CNNM2: variants seen among roughly 807,000 people sequenced by gnomAD.
CNNM2 encodes the protein metal transporter CNNM2.
A neutral mutation model predicts 66.9 loss-of-function variants in CNNM2; 12 were observed. The ratio of observed to expected loss-of-function variants is 0.18; its 90% CI spans 0.11 to 0.29. The LOEUF (loss-of-function observed/expected upper bound fraction) is 0.29, where lower values mean the gene tolerates loss of function less well. CNNM2 is among the 10% of genes least tolerant of loss of function. The probability of loss-of-function intolerance (pLI) is 1.00; values close to 1 mark genes in which losing one functional copy is unlikely to be tolerated. For synonymous variants in CNNM2, 557 were observed against 501.8 expected (o/e 1.11, Z -1.47); for missense variants, 705 against 1,167.7 (o/e 0.60, Z 5.77).
chr10:102,998,603 A>G (rs2064047954), intron 1 of CNNM2, among the ~76,000 whole-genome samples: 1 of 152,230 alleles, frequency 6.6e-6, no homozygotes, highest in African/African-American at 2.4e-5. Flanking sequence ...GTAAACACCA[A>G]GATTGGAAAG....
rs2065774518 is a variant in CNNM2, at chr10:103,083,308, T to C, written c.*6128T>C. On this transcript the variant is annotated 3_prime_UTR_variant, in exon 8 of 8. Coordinates refer to ENST00000369878, the MANE Select transcript of CNNM2 (RefSeq NM_017649.5). ...GTCTCTCCTATTTATTTTGTACCAA[T>C]TTATTTGTAAATTTTGTGATTGTTT... is the stretch of plus-strand genomic sequence containing the variant. 1 of 152,174 alleles carries C rather than the reference T, an allele frequency of 6.6e-6. No individual in the cohort carries two copies. 9.4% of individuals were successfully genotyped at this position (152,174 alleles called of 1,614,324 possible).
chr10:103,057,024 G>A (rs2065306355), intron 4 of CNNM2, 60 bp downstream of exon 4: 1 of 1,531,692 alleles, frequency 6.5e-7, no homozygotes, highest in Non-Finnish European at 8.9e-7. Flanking sequence ...TCAGTTTGGT[G>A]TAAGTGAATG....
At chr10:103,044,728 C>T (rs1214806569) in intron 1 of CNNM2, among the ~76,000 whole-genome samples, 4 of 152,152 alleles carry the variant, frequency 2.6e-5, no homozygotes, top group Non-Finnish European at 5.9e-5. Context: ...GAAGAAGTTT[C>T]AGAAAACAGG....
At chr10:103,039,535 G>A (rs769704219) in intron 1 of CNNM2, among the ~76,000 whole-genome samples, 2 of 152,196 alleles carry the variant, frequency 1.3e-5, no homozygotes, top group Non-Finnish European at 2.9e-5. Flanking sequence ...TGTTTGTTAC[G>A]TGGCTTGTAA....
chr10:103,003,985 ATTTTTTTTT>A (rs869152743), intron 1 of CNNM2, among the ~76,000 whole-genome samples: 2 of 83,968 alleles, frequency 2.4e-5, no homozygotes, highest in South Asian at 4.8e-4. Flanking sequence ...CATTGCATGA[ATTTTTTTTT>A]TTTTTTTTTT....
chr10:103,011,646 CTGTGTGTGTGTGTGTG>C (rs10624803), intron 1 of CNNM2, among the ~76,000 whole-genome samples: 21 of 136,054 alleles, frequency 1.5e-4, no homozygotes, highest in African/African-American at 3.0e-4. Flanking sequence ...AATACTTGCA[CTGTGTGTGTGTGTGTG>C]TGTGTGTGTG....
chr10:102,970,887 T>C (rs915696318), intron 1 of CNNM2, among the ~76,000 whole-genome samples: 3 of 152,130 alleles, frequency 2.0e-5, no homozygotes, highest in Non-Finnish European at 1.5e-5. Context: ...GCTTGGTGAC[T>C]CTAGTTAAAG....
intron 1 of CNNM2, among the ~76,000 whole-genome samples, chr10:102,927,124 G>A (rs915653618): frequency 6.6e-6 from 1 of 151,902 alleles, no homozygotes; most frequent in Non-Finnish European, 1.5e-5. Flanking sequence ...AATTAGATGC[G>A]TAGTTACTTA....
chr10:103,077,426 C>A lies in CNNM2; in HGVS notation c.*246C>A. 1 of 480,210 alleles carries A rather than the reference C, an allele frequency of 2.1e-6. No individual in the cohort carries two copies. The highest frequency in any genetic ancestry group is 3.7e-6 in the Non-Finnish European group (1 of 270,104). 29.7% of individuals were successfully genotyped at this position (480,210 alleles called of 1,614,324 possible). A position where few individuals can be genotyped will look rare whatever the true frequency, so the allele number is the denominator to read the frequency against. ...GATTTTGGAGATGAACTGATTCCGC[C>A]CAAATAGAATCATGTTTATTTTTTC... On this transcript the variant is annotated 3_prime_UTR_variant, in exon 8 of 8. Coordinates refer to ENST00000369878, the MANE Select transcript of CNNM2 (RefSeq NM_017649.5).
At chr10:102,940,895 A>T (rs1281936351) in intron 1 of CNNM2, among the ~76,000 whole-genome samples, 2 of 151,586 alleles carry the variant, frequency 1.3e-5, no homozygotes, top group Admixed American at 1.3e-4. Flanking sequence ...CCAAATTTTT[A>T]TATTTTTAGT....
At chr10:102,936,295 G>A (rs1233359666) in intron 1 of CNNM2, among the ~76,000 whole-genome samples, 1 of 152,108 alleles carries the variant, frequency 6.6e-6, no homozygotes, top group Non-Finnish European at 1.5e-5. Flanking sequence ...ACTAGAACAA[G>A]ATAGCATGCT....
chr10:102,952,622 C>CAAA (rs35818455), intron 1 of CNNM2, among the ~76,000 whole-genome samples: 383 of 127,060 alleles, frequency 3.0e-3, no homozygotes, highest in Middle Eastern at 8.5e-3. Flanking sequence ...CTGTCTCTAC[C>CAAA]AAAAAAAAAA....
intron 1 of CNNM2, among the ~76,000 whole-genome samples, chr10:102,970,283 C>G (rs1427987502): frequency 1.3e-5 from 2 of 152,110 alleles, no homozygotes; most frequent in Non-Finnish European, 2.9e-5. Context: ...CCCCTGCACT[C>G]CAGTCTGGGC....
chr10:103,074,497 T>C lies in CNNM2; in HGVS notation c.2234-1589T>C, dbSNP rs112024649. Among the ~76,000 whole-genome samples the C allele has an allele frequency of 2.5e-3, 382 of 152,290 alleles. 1 individual carries two copies. Among genetic ancestry groups the C allele is most frequent in the Non-Finnish European group, 3.1e-3 (211 of 68,028 alleles). ...ATTTGTCTAACAATGGAAAATTAGT[T>C]CATGACTTGACAATTGGAGGGAGAG... On this transcript the variant is annotated intron_variant, in intron 6 of 7. Transcript: ENST00000369878.
intron 1 of CNNM2, among the ~76,000 whole-genome samples, chr10:102,983,282 G>A (rs2134232787): frequency 6.7e-6 from 1 of 148,960 alleles, no homozygotes; most frequent in East Asian, 2.0e-4. Context: ...TGGAATTTTA[G>A]GTCTTAAATG....
intron 1 of CNNM2, among the ~76,000 whole-genome samples, chr10:102,994,810 G>T (rs1377277759): frequency 6.6e-6 from 1 of 152,252 alleles, no homozygotes; most frequent in African/African-American, 2.4e-5. Flanking sequence ...ATGCCTGTTT[G>T]CAAAGTAGCA....
At chr10:103,060,106 C>T (rs1388342768) in intron 4 of CNNM2, among the ~76,000 whole-genome samples, 3 of 152,182 alleles carry the variant, frequency 2.0e-5, no homozygotes, top group Non-Finnish European at 2.9e-5. Flanking sequence ...CACTGTACTC[C>T]AGCCTGGGCG....
chr10:102,951,578 A>G (rs1182804815), intron 1 of CNNM2, among the ~76,000 whole-genome samples: 8 of 151,284 alleles, frequency 5.3e-5, no homozygotes, highest in Non-Finnish European at 1.0e-4. Context: ...GCCAAACTGA[A>G]TCTACCTTTA....
chr10:103,007,646 C>A (rs1294653742), intron 1 of CNNM2, among the ~76,000 whole-genome samples: 1 of 152,186 alleles, frequency 6.6e-6, no homozygotes, highest in Non-Finnish European at 1.5e-5. Flanking sequence ...AAATATGGCT[C>A]TATTCTGCCT....
Sources: allele counts gnomAD v4.1 joint callset (sites outside exome capture counted in the v4.1 genomes callset), GRCh38; gene constraint gnomAD v4.1.1; transcripts MANE v1.5; gene names NCBI Gene and HGNC (gene_info 2026-07-23, HGNC 2026-07-21).